ARHGEF28: variants seen among roughly 807,000 people sequenced by gnomAD.
The protein encoded by ARHGEF28 is Rho guanine nucleotide exchange factor 28.
ARHGEF28 carries 152 observed loss-of-function variants against 206.6 expected under a neutral mutation model. The ratio of observed to expected loss-of-function variants is 0.74; its 90% CI spans 0.64 to 0.84. The LOEUF (loss-of-function observed/expected upper bound fraction) is 0.84. ARHGEF28 is among the 40% of genes least tolerant of loss of function. The probability of loss-of-function intolerance (pLI) is 0.00; values close to 1 mark genes in which losing one functional copy is unlikely to be tolerated. For synonymous variants in ARHGEF28, 763 were observed against 776.4 expected (o/e 0.98, Z 0.29); for missense variants, 2,028 against 2,073.2 (o/e 0.98, Z 0.42).
chr5:73,867,805 CT>C, intron 18 of ARHGEF28, 70 bp from the exon 19 acceptor site: 1 of 1,599,174 alleles, frequency 6.3e-7, no homozygotes, highest in African/African-American at 1.3e-5. Context: ...AGCTTTCTGG[CT>C]TTTAAGTGAC....
At chr5:73,823,344 ACAC>A (rs1561431374) in intron 9 of ARHGEF28, among the ~76,000 whole-genome samples, 1 of 152,236 alleles carries the variant, frequency 6.6e-6, no homozygotes, top group Admixed American at 6.5e-5. Flanking sequence ...GCATAAAATT[ACAC>A]AGCTTTACTT....
intron 16 of ARHGEF28, among the ~76,000 whole-genome samples, chr5:73,861,214 G>C (rs1759379460): frequency 6.6e-6 from 1 of 152,086 alleles, no homozygotes; most frequent in South Asian, 2.1e-4. Context: ...AGGGAGCCAG[G>C]GCTCACTGAA....
At chr5:73,832,285 G>C (rs1757344802) in intron 9 of ARHGEF28, 53 bp from the exon 10 acceptor site, 1 of 1,593,206 alleles carries the variant, frequency 6.3e-7, no homozygotes, top group Non-Finnish European at 8.6e-7. Context: ...AAGCTTGACT[G>C]TAAAATAAGC....
chr5:73,892,084 G>T lies in ARHGEF28; in HGVS notation c.3420G>T (p.Lys1140Asn), dbSNP rs1447158078. ...AGCCATCAGTTATTTCCCTTCAAAA[G>T]CTTATTGCTAGAGAAGTTGCTAATG... Reference protein sequence around the residue: ...DQKPSVISLQKLIAREVANEE... With the variant: ...DQKPSVISLQNLIAREVANEE... Residue 1140 changes from lysine (K) to asparagine (N), a missense_variant, in exon 27 of 36, where the codon AAG becomes AAT. Lys to Asn is a moderately conservative substitution (Grantham distance 94). This residue lies in a region of ARHGEF28 where 803 missense variants were observed against 768.0 expected (regional missense o/e 1.05). Transcript: ENST00000513042. 2.5e-6 allele frequency: 4 copies of T among 1,601,804 alleles called. No homozygotes were observed. The highest frequency in any genetic ancestry group is 2.6e-6 in the Non-Finnish European group (3 of 1,173,580).
At chr5:73,732,984 G>T (rs1432124076) in intron 2 of ARHGEF28, among the ~76,000 whole-genome samples, 2 of 152,100 alleles carry the variant, frequency 1.3e-5, no homozygotes, top group Admixed American at 6.5e-5. Flanking sequence ...TTCATTTTTA[G>T]CTTTTTAAAA....
At chr5:73,773,228 G>A (rs1753322956) in intron 4 of ARHGEF28, among the ~76,000 whole-genome samples, 1 of 152,166 alleles carries the variant, frequency 6.6e-6, no homozygotes, top group South Asian at 2.1e-4. Context: ...CCGACCAAGG[G>A]CCCTCTGTGC....
intron 1 of ARHGEF28, among the ~76,000 whole-genome samples, chr5:73,644,906 A>G (rs781615068): frequency 8.5e-5 from 13 of 152,322 alleles, no homozygotes; most frequent in Admixed American, 2.0e-4. Context: ...AATTATTGCT[A>G]TTGCTTTCCT....
intron 16 of ARHGEF28, among the ~76,000 whole-genome samples, chr5:73,860,096 C>T (rs937388321): frequency 6.6e-6 from 1 of 152,190 alleles, no homozygotes; most frequent in African/African-American, 2.4e-5. Context: ...CCGTGGCACA[C>T]TACTCTTCTG....
At chr5:73,898,559 T>A (rs1762091103) in intron 30 of ARHGEF28, 1 of 153,664 alleles carries the variant, frequency 6.5e-6, no homozygotes, top group Admixed American at 6.4e-5. Context: ...GTCTCCCTCC[T>A]TTCTCTCTCC....
At chr5:73,935,858 C>G (rs74647458) in intron 35 of ARHGEF28, among the ~76,000 whole-genome samples, 3,267 of 152,140 alleles carry the variant, frequency 0.021, 113 homozygotes, top group African/African-American at 0.073. Flanking sequence ...GTTTTGTGAC[C>G]TTTGATGGGG....
intron 21 of ARHGEF28, among the ~76,000 whole-genome samples, chr5:73,871,640 T>C (rs1760108358): frequency 6.6e-6 from 1 of 152,104 alleles, no homozygotes; most frequent in Non-Finnish European, 1.5e-5. Context: ...TTCACTCCTT[T>C]ACAAGTACAC....
intron 18 of ARHGEF28, among the ~76,000 whole-genome samples, chr5:73,866,690 T>G (rs1483314934): frequency 1.3e-5 from 2 of 152,222 alleles, no homozygotes; most frequent in Non-Finnish European, 2.9e-5. Context: ...TTAAGCAGTT[T>G]CTCTTTAAAA....
chr5:73,714,656 ATATT>A (rs910732930), intron 2 of ARHGEF28, among the ~76,000 whole-genome samples: 1 of 152,190 alleles, frequency 6.6e-6, no homozygotes, highest in Non-Finnish European at 1.5e-5. Context: ...GTATATATGC[ATATT>A]TATTTATTTA....
intron 2 of ARHGEF28, among the ~76,000 whole-genome samples, chr5:73,739,573 C>T (rs1196829727): frequency 2.6e-5 from 4 of 152,186 alleles, no homozygotes; most frequent in African/African-American, 7.2e-5. Flanking sequence ...AATCCTAACA[C>T]TTCAGGAAGC....
At chr5:73,811,568 G>A (rs1177137130) in intron 9 of ARHGEF28, among the ~76,000 whole-genome samples, 1 of 152,084 alleles carries the variant, frequency 6.6e-6, no homozygotes, top group East Asian at 1.9e-4. Context: ...ACAAGATTTG[G>A]TATATTTTCT....
intron 11 of ARHGEF28, among the ~76,000 whole-genome samples, chr5:73,843,937 T>A (rs1758142130): frequency 6.6e-6 from 1 of 152,170 alleles, no homozygotes; most frequent in South Asian, 2.1e-4. Flanking sequence ...TTAAGTGAAG[T>A]CTTATAAAAT....
chr5:73,903,573 T>C (rs977400700), intron 31 of ARHGEF28: 3 of 152,774 alleles, frequency 2.0e-5, no homozygotes, highest in African/African-American at 4.8e-5. Context: ...GCATAGACCC[T>C]CTCCCTAAAG....
rs1373108367 is a variant in ARHGEF28 at position 73,883,795 on chromosome 5, G to A, written c.2966G>A (p.Arg989His). Residue 989 changes from arginine to histidine, a missense_variant, in exon 24 of 36, where the codon CGC becomes CAC. This residue lies in a region of ARHGEF28 where 223 missense variants were observed against 289.9 expected (regional missense o/e 0.77). Transcript: ENST00000513042. Reference sequence around the variant, plus strand: ...CGAAATAGTAATCTTTTGGCTCGACGCCGAGGAATTCCAGAATGCATTCTG... The same window carrying A: ...CGAAATAGTAATCTTTTGGCTCGACACCGAGGAATTCCAGAATGCATTCTG... ...KLRNSNLLAR[R>H]RGIPECILLV... 7 of 1,565,264 alleles carry A rather than the reference G, an allele frequency of 4.5e-6. No individual in the cohort carries two copies. Among genetic ancestry groups the A allele is most frequent in the South Asian group, 1.2e-5 (1 of 82,874 alleles).
intron 9 of ARHGEF28, among the ~76,000 whole-genome samples, chr5:73,821,364 G>GT (rs960454882): frequency 6.6e-6 from 1 of 152,152 alleles, no homozygotes; most frequent in African/African-American, 2.4e-5. Flanking sequence ...TGCTAGCATA[G>GT]TTTTTTGTCT....
Sources: gnomAD v4.1 joint callset for allele counts (sites outside exome capture counted in the v4.1 genomes callset) on GRCh38, gnomAD v4.1.1 for gene constraint, gnomAD v4.1.1 regional missense constraint, MANE v1.5 for transcripts, NCBI Gene and HGNC (gene_info 2026-07-23, HGNC 2026-07-21) for gene names.